The following KCNQ1OT1 variants were observed in gnomAD, a reference collection of about 807,000 sequenced individuals.
KCNQ1OT1 encodes the protein KCNQ1 opposite strand/antisense transcript 1, also known as KCNQ1 antisense RNA 2 (non-protein coding).
chr11:2,681,710 G>C, exon 1 of KCNQ1OT1: 1 of 391,702 alleles, frequency 2.6e-6, no homozygotes, highest in Non-Finnish European at 4.4e-6. Context: ...CCATGTGTCT[G>C]TTCCTCTATT....
rs1005199198 is a variant in KCNQ1OT1 at position 2,614,684 on chromosome 11, A to G, written n.85311T>C. The G allele has an allele frequency of 7.0e-5, 28 of 398,342 alleles. No individual in the cohort carries two copies. Among genetic ancestry groups the G allele is most frequent in the Non-Finnish European group, 7.5e-5 (17 of 225,994 alleles). 24.7% of individuals were successfully genotyped at this position (398,342 alleles called of 1,614,324 possible). ...CATTTGTTGAAAATGAATTGATCAT[A>G]TATGTGAGTGTTTATTTCTACATTC... On this transcript the variant is annotated non_coding_transcript_exon_variant, in exon 1 of 1. Transcript: ENST00000597346.
exon 1 of KCNQ1OT1, chr11:2,660,312 A>C (rs1191262420): frequency 2.5e-6 from 1 of 398,464 alleles, no homozygotes. Context: ...ATATGTATAC[A>C]TACAACACAT....
At chr11:2,693,805 C>T in exon 1 of KCNQ1OT1, 1 of 398,840 alleles carries the variant, frequency 2.5e-6, no homozygotes, top group South Asian at 1.3e-4. Context: ...ATGGCACAGG[C>T]TGATAAAGGC....
exon 1 of KCNQ1OT1, chr11:2,634,710 G>C (rs996503615): frequency 6.6e-6 from 1 of 152,172 alleles, no homozygotes; most frequent in African/African-American, 2.4e-5. Flanking sequence ...GGGGATGGCT[G>C]GATCAAATGG....
chr11:2,647,165 CT>C lies in KCNQ1OT1; in HGVS notation n.52829del, dbSNP rs141799528. 6,672 of 374,224 alleles carry C rather than the reference CT, an allele frequency of 0.018. 184 individuals are homozygous for C. Among genetic ancestry groups the C allele is most frequent in the East Asian group, 0.084 (2,254 of 26,790 alleles). 23.2% of individuals were successfully genotyped at this position (374,224 alleles called of 1,614,324 possible). On this transcript the variant is annotated non_coding_transcript_exon_variant, in exon 1 of 1. Coordinates refer to ENST00000597346, the Ensembl canonical transcript of KCNQ1OT1. The surrounding 1 kb of genome is among the most constrained non-coding windows in gnomAD (Gnocchi z 4.0). ...TTCCTTCTAGACATTATGTGATGAG[CT>C]TTTTTTTTTATCATGAAGAGATTTT...
rs948377445 is a variant in KCNQ1OT1, at chr11:2,626,904, A to C, written n.73091T>G. On this transcript the variant is annotated non_coding_transcript_exon_variant, in exon 1 of 1. Coordinates refer to ENST00000597346, the Ensembl canonical transcript of KCNQ1OT1. This position sits in a 1 kb window ranked among gnomAD's most constrained non-coding sequence, Gnocchi z 4.0. ...TTTTCAAGAATGTTTTAGCTATTCA[A>C]GGTCCCTTGAGATTCCATGTGAATT... 1.5e-5 allele frequency: 6 copies of C among 398,496 alleles called. No individual in the cohort carries two copies. Among genetic ancestry groups the C allele is most frequent in the Non-Finnish European group, 1.8e-5 (4 of 226,070 alleles). 24.7% of individuals were successfully genotyped at this position (398,496 alleles called of 1,614,324 possible). A position where few individuals can be genotyped will look rare whatever the true frequency, so the allele number is the denominator to read the frequency against.
chr11:2,672,217 C>T (rs550492367), exon 1 of KCNQ1OT1: 5 of 398,638 alleles, frequency 1.3e-5, no homozygotes, highest in East Asian at 1.1e-4. Context: ...AATTGAATTC[C>T]TTCCAGTCCA....
Position 2,658,019 on chromosome 11 carries a change from T to TA in KCNQ1OT1, n.41975dup. Reference sequence around the variant, plus strand: ...GTGAATAGCTGTTTTTCCCTTTCCATAGCTTAGTCTTTAGAAGCGAGTCAC... The same window carrying TA: ...GTGAATAGCTGTTTTTCCCTTTCCATAAGCTTAGTCTTTAGAAGCGAGTCAC... On this transcript the variant is annotated non_coding_transcript_exon_variant, in exon 1 of 1. Coordinates refer to ENST00000597346, the Ensembl canonical transcript of KCNQ1OT1. The surrounding 1 kb of genome is among the most constrained non-coding windows in gnomAD (Gnocchi z 4.9). 2.5e-6 allele frequency: 1 copy of TA among 398,572 alleles called. No individual in the cohort carries two copies. Among genetic ancestry groups the TA allele is most frequent in the Admixed American group, 4.4e-5 (1 of 22,738 alleles). 24.7% of individuals were successfully genotyped at this position (398,572 alleles called of 1,614,324 possible).
rs1367588524 is a variant in KCNQ1OT1 at position 2,642,826 on chromosome 11, C to G, written n.57169G>C. The G allele has an allele frequency of 2.5e-6, 1 of 397,844 alleles. No homozygotes were observed. Among genetic ancestry groups the G allele is most frequent in the Non-Finnish European group, 4.4e-6 (1 of 225,664 alleles). 24.6% of individuals were successfully genotyped at this position (397,844 alleles called of 1,614,324 possible). On this transcript the variant is annotated non_coding_transcript_exon_variant, in exon 1 of 1. Transcript: ENST00000597346. This position sits in a 1 kb window ranked among gnomAD's most constrained non-coding sequence, Gnocchi z 4.3. ...ACAATAAACTTTCCTCTTAGCATTG[C>G]TTTTGCAGTATCCCTTAAGTTTCAG...
At chr11:2,633,438 T>C in exon 1 of KCNQ1OT1, 1 of 398,608 alleles carries the variant, frequency 2.5e-6, no homozygotes, top group Non-Finnish European at 4.4e-6. Context: ...ACCCATAAAA[T>C]CTTCGCTAGA....
At position 2,617,683 on chromosome 11, in the gene KCNQ1OT1, T is replaced by C. The variant is rs1849089901; in HGVS notation, n.82312A>G. ...CACCAATCTACAGTCCCACCAACAC[T>C]GTACAAGAGTTCCCTAACCCTAGCC... On this transcript the variant is annotated non_coding_transcript_exon_variant, in exon 1 of 1. Coordinates refer to ENST00000597346, the Ensembl canonical transcript of KCNQ1OT1. This position sits in a 1 kb window ranked among gnomAD's most constrained non-coding sequence, Gnocchi z 4.6. The C allele has an allele frequency of 2.5e-6, 1 of 398,404 alleles. No homozygotes were observed. The highest frequency in any genetic ancestry group is 4.4e-6 in the Non-Finnish European group (1 of 226,010). 24.7% of individuals were successfully genotyped at this position (398,404 alleles called of 1,614,324 possible).
exon 1 of KCNQ1OT1, chr11:2,660,806 T>A (rs560608571): frequency 3.8e-5 from 15 of 398,606 alleles, no homozygotes; most frequent in African/African-American, 6.2e-5. Flanking sequence ...TAGCAACATT[T>A]ATTAAAATTA....
At position 2,668,700 on chromosome 11, in the gene KCNQ1OT1, A is replaced by G. The variant is rs1353688242; in HGVS notation, n.31295T>C. 1 of 398,250 alleles carries G rather than the reference A, an allele frequency of 2.5e-6. No homozygotes were observed. Among genetic ancestry groups the G allele is most frequent in the Non-Finnish European group, 4.4e-6 (1 of 226,024 alleles). The allele number at this position is 398,250 out of a possible 1,614,324, so 24.7% of individuals were successfully genotyped here. A position where few individuals can be genotyped will look rare whatever the true frequency, so the allele number is the denominator to read the frequency against. ...CAGAGAGAGAGATACACACACTCACACTCTCTCACAGACACACACATTGCA... is the reference window on the plus strand; with the variant it reads ...CAGAGAGAGAGATACACACACTCACGCTCTCTCACAGACACACACATTGCA... On this transcript the variant is annotated non_coding_transcript_exon_variant, in exon 1 of 1. Transcript: ENST00000597346. This position sits in a 1 kb window ranked among gnomAD's most constrained non-coding sequence, Gnocchi z 4.3.
At chr11:2,629,282 T>C (rs2133813986) in exon 1 of KCNQ1OT1, 1 of 398,388 alleles carries the variant, frequency 2.5e-6, no homozygotes, top group East Asian at 3.6e-5. Flanking sequence ...TGTTTCATAG[T>C]TTTCAGTGTC....
At position 2,670,445 on chromosome 11, in the gene KCNQ1OT1, G is replaced by A. The variant is rs183086986; in HGVS notation, n.29550C>T. On this transcript the variant is annotated non_coding_transcript_exon_variant, in exon 1 of 1. Transcript: ENST00000597346. The surrounding 1 kb of genome is among the most constrained non-coding windows in gnomAD (Gnocchi z 4.9). ...GGGTTAGGAGATACTGCTGTTGGCT[G>A]AGACACACAGCCCACATCCTTGGTA... The A allele has an allele frequency of 2.5e-6, 1 of 397,950 alleles. No individual in the cohort carries two copies. Among genetic ancestry groups the A allele is most frequent in the Admixed American group, 4.4e-5 (1 of 22,608 alleles). The allele number at this position is 397,950 out of a possible 1,614,324, so 24.7% of individuals were successfully genotyped here. A position where few individuals can be genotyped will look rare whatever the true frequency, so the allele number is the denominator to read the frequency against.
Position 2,620,912 on chromosome 11 carries a change from T to C in KCNQ1OT1, n.79083A>G. The stretch of plus-strand genomic sequence containing the variant: ...ACTGGTGTGAGATGGCATCCCATTA[T>C]GGTTTGGTGTTTTTTTGTTGTTGTT... On this transcript the variant is annotated non_coding_transcript_exon_variant, in exon 1 of 1. Coordinates refer to ENST00000597346, the Ensembl canonical transcript of KCNQ1OT1. The surrounding 1 kb of genome is among the most constrained non-coding windows in gnomAD (Gnocchi z 4.5). 1 of 397,436 alleles carries C rather than the reference T, an allele frequency of 2.5e-6. No individual in the cohort carries two copies. The allele number at this position is 397,436 out of a possible 1,614,324, so 24.6% of individuals were successfully genotyped here.
exon 1 of KCNQ1OT1, chr11:2,637,168 T>G (rs1452276025): frequency 1.3e-5 from 2 of 152,180 alleles, no homozygotes; most frequent in African/African-American, 4.8e-5. Flanking sequence ...GGGTTTTTTG[T>G]GTCTCTATCT....
exon 1 of KCNQ1OT1, chr11:2,656,371 C>A: frequency 2.5e-6 from 1 of 398,644 alleles, no homozygotes; most frequent in Non-Finnish European, 4.4e-6. Context: ...ACAGGTCCTT[C>A]CCTGGTCTCT....
rs1240614964 is a variant in KCNQ1OT1 at position 2,677,392 on chromosome 11, T to C, written n.22603A>G. ...TAATCAGTTGAAGAGGAAACCAAGA[T>C]CGATGCCTAGATAAGCATTTCAGAG... On this transcript the variant is annotated non_coding_transcript_exon_variant, in exon 1 of 1. Coordinates refer to ENST00000597346, the Ensembl canonical transcript of KCNQ1OT1. This position sits in a 1 kb window ranked among gnomAD's most constrained non-coding sequence, Gnocchi z 4.5. 1 of 398,452 alleles carries C rather than the reference T, an allele frequency of 2.5e-6. No individual in the cohort carries two copies. Among genetic ancestry groups the C allele is most frequent in the African/African-American group, 2.1e-5 (1 of 48,616 alleles). The allele number at this position is 398,452 out of a possible 1,614,324, so 24.7% of individuals were successfully genotyped here. A position where few individuals can be genotyped will look rare whatever the true frequency, so the allele number is the denominator to read the frequency against.
Sources: allele counts gnomAD v4.1 joint callset, GRCh38; gene constraint gnomAD v4.1.1; non-coding constraint Gnocchi (gnomAD v3.1); transcripts MANE v1.5; gene names NCBI Gene and HGNC (gene_info 2026-07-23, HGNC 2026-07-21).